Variants in CTIF observed in about 807,000 individuals in gnomAD.
CTIF encodes cap binding complex dependent translation initiation factor, also known as CBP80/20-dependent translation initiation factor.
CTIF carries 21 observed loss-of-function variants against 66.0 expected under a neutral mutation model. That is an observed-to-expected ratio of 0.32 (90% CI 0.23 to 0.46). The LOEUF is 0.46. Among genes scored for constraint, CTIF ranks in the 20% least tolerant of loss-of-function variants. CTIF has a pLI of 1.00. For synonymous variants in CTIF, 345 were observed against 326.4 expected (o/e 1.06, Z -0.62); for missense variants, 739 against 812.7 (o/e 0.91, Z 1.10).
At chr18:48,717,479 G>A (rs886728607) in intron 7 of CTIF, among the ~76,000 whole-genome samples, 2 of 151,814 alleles carry the variant, frequency 1.3e-5, no homozygotes, top group Non-Finnish European at 2.9e-5. Context: ...CTCTTCCTCT[G>A]CCAACGTGAA....
intron 3 of CTIF, among the ~76,000 whole-genome samples, chr18:48,657,322 G>C (rs1330992491): frequency 1.3e-5 from 2 of 152,198 alleles, no homozygotes; most frequent in African/African-American, 4.8e-5. Flanking sequence ...TGTATTAGCA[G>C]TCTTATCATT....
At position 48,695,845 on chromosome 18, in the gene CTIF, C is replaced by T. The variant is rs140668888; in HGVS notation, c.508-15774C>T. ...AGTCAGGAGAAGAGCGCGTATTTAT[C>T]GGGCAGGACTGGAGGGGAAGGAAAG... On this transcript the variant is annotated intron_variant, in intron 6 of 11. Transcript: ENST00000256413. Among the ~76,000 whole-genome samples the T allele has an allele frequency of 3.4e-4, 52 of 152,314 alleles. 2 individuals carry two copies. In the East Asian group the frequency reaches 8.9e-3, roughly 26 times the overall value.
intron 9 of CTIF, among the ~76,000 whole-genome samples, chr18:48,775,926 T>C (rs1048169627): frequency 5.3e-5 from 8 of 152,356 alleles, no homozygotes; most frequent in Admixed American, 5.2e-4. Context: ...CCCAGGTCAC[T>C]GTAACCACAC....
At chr18:48,766,096 CT>C (rs1170531101) in intron 9 of CTIF, among the ~76,000 whole-genome samples, 1 of 110,774 alleles carries the variant, frequency 9.0e-6, no homozygotes, top group East Asian at 3.2e-4. Context: ...AATGCTATCC[CT>C]CCCCCCTCCC....
intron 10 of CTIF, among the ~76,000 whole-genome samples, chr18:48,818,493 C>T (rs190202030): frequency 6.6e-6 from 1 of 152,244 alleles, no homozygotes; most frequent in Admixed American, 6.5e-5. Context: ...GTTAGCTGTC[C>T]CTAGGGAACT....
intron 10 of CTIF, chr18:48,834,648 C>T (rs190649042): frequency 5.2e-5 from 8 of 152,680 alleles, no homozygotes; most frequent in African/African-American, 1.7e-4. Flanking sequence ...CTGACCTTCA[C>T]CCTATTTTAC....
In CTIF at chr18:48,640,054, G is replaced by GACCC. The variant is rs367981062; in HGVS notation, c.252+3371_252+3374dup. 4.3e-4 allele frequency among the ~76,000 whole-genome samples: 65 copies of GACCC among 152,324 alleles called. 1 individual carries two copies. The highest frequency in any genetic ancestry group is 1.5e-3 in the African/African-American group (63 of 41,574). Reference sequence around the variant, plus strand: ...ATGCAGGGGCTCTCTGATGGAGGAGGACCCAGGCAGCTGCCCACTGAAGGG... The same window carrying GACCC: ...ATGCAGGGGCTCTCTGATGGAGGAGGACCCACCCAGGCAGCTGCCCACTGAAGGG... On this transcript the variant is annotated intron_variant, in intron 3 of 11. Coordinates refer to ENST00000256413, the MANE Select transcript of CTIF (RefSeq NM_014772.3).
At chr18:48,633,122 C>T (rs1006604866) in intron 2 of CTIF, among the ~76,000 whole-genome samples, 4 of 152,170 alleles carry the variant, frequency 2.6e-5, no homozygotes, top group African/African-American at 9.7e-5. Context: ...ATCACACCAG[C>T]ACTACGCAGC....
At chr18:48,753,026 G>C (rs1158928179) in intron 7 of CTIF, among the ~76,000 whole-genome samples, 1 of 152,222 alleles carries the variant, frequency 6.6e-6, no homozygotes, top group East Asian at 1.9e-4. Flanking sequence ...GAGCTGCAGA[G>C]AAATTGTTGG....
chr18:48,757,887 C>T lies in CTIF; in HGVS notation c.585-32C>T, dbSNP rs774142450. The T allele has an allele frequency of 1.2e-5, 19 of 1,588,504 alleles. No individual in the cohort carries two copies. The East Asian group carries it at 1.3e-4, about 11-fold the overall frequency. On this transcript the variant is annotated intron_variant, in intron 7 of 11. Coordinates refer to ENST00000256413, the MANE Select transcript of CTIF (RefSeq NM_014772.3). Reference sequence around the variant, plus strand: ...GACTCTGACCAGCCCGCCCAGTGATCGCCTTCTCTGTCTTTCCTCTTCCGT... The same window carrying T: ...GACTCTGACCAGCCCGCCCAGTGATTGCCTTCTCTGTCTTTCCTCTTCCGT...
intron 3 of CTIF, among the ~76,000 whole-genome samples, chr18:48,647,760 A>G (rs575918038): frequency 8.1e-5 from 12 of 148,602 alleles, no homozygotes; most frequent in Non-Finnish European, 1.3e-4. Flanking sequence ...TTTCTCCCCC[A>G]CCCGCCCACC....
intron 9 of CTIF, among the ~76,000 whole-genome samples, chr18:48,775,420 A>C (rs4533357): frequency 0.46 from 70,427 of 152,156 alleles, 16,701 homozygotes; most frequent in African/African-American, 0.57. Context: ...GGAAAGCGCC[A>C]TGAGATGCCC....
chr18:48,540,503 G>C (rs1364674213), intron 1 of CTIF, among the ~76,000 whole-genome samples: 1 of 151,202 alleles, frequency 6.6e-6, no homozygotes, highest in Non-Finnish European at 1.5e-5. Context: ...TCTATTGATG[G>C]TAAAAGACAA....
chr18:48,621,092 A>T (rs1433334858), intron 2 of CTIF, among the ~76,000 whole-genome samples: 1 of 152,180 alleles, frequency 6.6e-6, no homozygotes, highest in East Asian at 1.9e-4. Context: ...ACAAGCTTCT[A>T]TTCTGTGCCA....
In CTIF at chr18:48,844,556, G is replaced by A. The variant is rs368948880; in HGVS notation, c.1528-13032G>A. Among the ~76,000 whole-genome samples, 40 of 152,208 alleles carry A rather than the reference G, an allele frequency of 2.6e-4. 7 individuals are homozygous for A. The highest frequency in any genetic ancestry group is 2.2e-3 in the Admixed American group (33 of 15,286). On this transcript the variant is annotated intron_variant, in intron 10 of 11. Coordinates refer to ENST00000256413, the MANE Select transcript of CTIF (RefSeq NM_014772.3). ...GGAGGCTAATTATTCCCTCTGGGGCGCCTGGTCCGCAGCTAGGGTGCCCGC... is the reference window on the plus strand; with the variant it reads ...GGAGGCTAATTATTCCCTCTGGGGCACCTGGTCCGCAGCTAGGGTGCCCGC...
At chr18:48,823,765 C>T (rs1402927552) in intron 10 of CTIF, among the ~76,000 whole-genome samples, 1 of 152,102 alleles carries the variant, frequency 6.6e-6, no homozygotes, top group Non-Finnish European at 1.5e-5. Context: ...ATAGTGTGAA[C>T]ATTTTCACAA....
chr18:48,691,753 G>A (rs900003163), intron 6 of CTIF, among the ~76,000 whole-genome samples: 13 of 152,072 alleles, frequency 8.5e-5, no homozygotes, highest in African/African-American at 3.1e-4. Context: ...GGTGACACCA[G>A]CTCTCCCCTG....
At chr18:48,728,739 T>A (rs867609474) in intron 7 of CTIF, among the ~76,000 whole-genome samples, 9 of 139,120 alleles carry the variant, frequency 6.5e-5, no homozygotes, top group African/African-American at 2.1e-4. Context: ...AGGGGGAGAG[T>A]GAGAGAGAGA....
chr18:48,706,074 G>A (rs977269067), intron 6 of CTIF, among the ~76,000 whole-genome samples: 2 of 152,120 alleles, frequency 1.3e-5, no homozygotes, highest in Non-Finnish European at 2.9e-5. Flanking sequence ...TGGGGGCATG[G>A]GTAGGTAGAT....
Sources: allele counts gnomAD v4.1 joint callset (sites outside exome capture counted in the v4.1 genomes callset), GRCh38; gene constraint gnomAD v4.1.1; transcripts MANE v1.5; gene names NCBI Gene and HGNC (gene_info 2026-07-23, HGNC 2026-07-21).